Variants in DENND2C observed in about 807,000 individuals in gnomAD.
The protein encoded by DENND2C is DENN domain-containing protein 2C.
In DENND2C, 72 loss-of-function variants were observed where a neutral mutation model predicts 112.4. That is an observed-to-expected ratio of 0.64 (90% CI 0.53 to 0.78). DENND2C has a LOEUF of 0.78. Among genes scored for constraint, DENND2C ranks in the 30% least tolerant of loss-of-function variants. The pLI is 0.00. For missense variants in DENND2C, 992 were observed against 1,113.8 expected, an observed-to-expected ratio of 0.89 and a Z score of 1.56; for synonymous variants, 329 against 381.6, an observed-to-expected ratio of 0.86 and a Z score of 1.61.
At chr1:114,667,626 G>A (rs1295876527) in intron 1 of DENND2C, among the ~76,000 whole-genome samples, 2 of 151,998 alleles carry the variant, frequency 1.3e-5, no homozygotes, top group African/African-American at 4.8e-5. Flanking sequence ...CAATAAAACT[G>A]GTATTGCAAT....
intron 1 of DENND2C, among the ~76,000 whole-genome samples, chr1:114,662,683 C>A (rs943863010): frequency 6.6e-6 from 1 of 152,004 alleles, no homozygotes; most frequent in African/African-American, 2.4e-5. Context: ...AAAATAGGGG[C>A]CAGGCATAAT....
At position 114,633,965 on chromosome 1, in the gene DENND2C, G is replaced by A. The variant is rs115991071; in HGVS notation, c.-204-7777C>T. Among the ~76,000 whole-genome samples, 1,127 of 152,290 alleles carry A rather than the reference G, an allele frequency of 7.4e-3. 8 individuals carry two copies. The highest frequency in any genetic ancestry group is 0.027 in the South Asian group (128 of 4,820). On this transcript the variant is annotated intron_variant, in intron 3 of 20. Coordinates refer to ENST00000393274, the MANE Select transcript of DENND2C (RefSeq NM_001256404.2). ...AAACAGTAAACACTATCATAAGAAA[G>A]CTGGATTGTCTATGTTAATATCAGA...
At chr1:114,585,745 C>T (rs889909388) in intron 20 of DENND2C, 114 bp from the exon 21 acceptor site, 24 of 1,051,688 alleles carry the variant, frequency 2.3e-5, no homozygotes, top group Non-Finnish European at 3.4e-5. Flanking sequence ...GTTAAGCTGA[C>T]ATCTCAAACT....
chr1:114,612,775 C>G (rs1480736809), intron 8 of DENND2C, among the ~76,000 whole-genome samples: 10 of 152,182 alleles, frequency 6.6e-5, no homozygotes, highest in Admixed American at 6.5e-4. Context: ...ATCTTGGCCT[C>G]CCAAAGTGCT....
chr1:114,610,721 G>T (rs966668580), intron 9 of DENND2C, among the ~76,000 whole-genome samples: 2 of 150,002 alleles, frequency 1.3e-5, no homozygotes, highest in Non-Finnish European at 3.0e-5. Flanking sequence ...AAAAAAATCA[G>T]ATATTTACTG....
chr1:114,621,415 A>G (rs1454719006), intron 7 of DENND2C, among the ~76,000 whole-genome samples: 3 of 152,222 alleles, frequency 2.0e-5, no homozygotes, highest in Non-Finnish European at 4.4e-5. Flanking sequence ...ATGATTGCTG[A>G]TAATTTCCAT....
rs1447573717 is a variant in DENND2C at position 114,622,079 on chromosome 1, A to C, written c.1057-14T>G. ...TTTTGGAGGGAGCTAAAACAGGAGA[A>C]GATGTACTGGTAAGATCACCTAGTT... is the stretch of plus-strand genomic sequence containing the variant. On this transcript the variant is annotated splice_polypyrimidine_tract_variant and intron_variant, in intron 6 of 20. Transcript: ENST00000393274. 1 of 1,522,008 alleles carries C rather than the reference A, an allele frequency of 6.6e-7. No individual in the cohort carries two copies. Among genetic ancestry groups the C allele is most frequent in the East Asian group, 2.5e-5 (1 of 40,758 alleles). 94.3% of individuals were successfully genotyped at this position (1,522,008 alleles called of 1,614,324 possible).
chr1:114,628,268 T>C (rs1330204050), intron 3 of DENND2C, among the ~76,000 whole-genome samples: 1 of 149,984 alleles, frequency 6.7e-6, no homozygotes, highest in Non-Finnish European at 1.5e-5. Flanking sequence ...TGCAGTAAGT[T>C]ATGATCACAG....
intron 2 of DENND2C, among the ~76,000 whole-genome samples, chr1:114,646,164 T>G (rs1011830463): frequency 2.6e-5 from 4 of 152,076 alleles, no homozygotes; most frequent in Admixed American, 2.6e-4. Context: ...CCTGACCTTG[T>G]GATCCGCCTG....
intron 6 of DENND2C, 40 bp downstream of exon 6, chr1:114,622,947 A>C: frequency 6.8e-7 from 1 of 1,480,454 alleles, no homozygotes; most frequent in South Asian, 1.2e-5. Flanking sequence ...TACCATGAAT[A>C]AGATTCTAAT....
chr1:114,663,686 A>T (rs1014679023), intron 1 of DENND2C, among the ~76,000 whole-genome samples: 1 of 152,180 alleles, frequency 6.6e-6, no homozygotes, highest in African/African-American at 2.4e-5. Flanking sequence ...ACATTTTTTA[A>T]TGGTTGGGTG....
chr1:114,608,663 C>T, intron 10 of DENND2C, 23 bp downstream of exon 10: 1 of 1,607,026 alleles, frequency 6.2e-7, no homozygotes, highest in Non-Finnish European at 8.5e-7. Context: ...TTCCTGAATG[C>T]CTCTTGGCCT....
intron 1 of DENND2C, among the ~76,000 whole-genome samples, chr1:114,666,726 T>A (rs1224297193): frequency 6.6e-6 from 1 of 152,238 alleles, no homozygotes; most frequent in East Asian, 1.9e-4. Flanking sequence ...GTGCTGGGAT[T>A]ACAGGCATGA....
chr1:114,616,803 C>T (rs994542254), intron 8 of DENND2C, among the ~76,000 whole-genome samples: 3 of 151,884 alleles, frequency 2.0e-5, no homozygotes, highest in African/African-American at 4.8e-5. Context: ...TGCACTGAGC[C>T]GAGATCATGC....
intron 1 of DENND2C, among the ~76,000 whole-genome samples, chr1:114,664,066 G>A (rs1657579443): frequency 6.6e-6 from 1 of 150,590 alleles, no homozygotes; most frequent in South Asian, 2.1e-4. Flanking sequence ...AGCCTCCCAA[G>A]CGGCTGGGAC....
chr1:114,659,832 C>T (rs1476235118), intron 1 of DENND2C, among the ~76,000 whole-genome samples: 1 of 142,822 alleles, frequency 7.0e-6, no homozygotes, highest in Non-Finnish European at 1.5e-5. Context: ...TATCCTCTTG[C>T]CCAGGATGCA....
At chr1:114,602,037 C>T (rs1437766036) in intron 12 of DENND2C, 88 bp downstream of exon 12, 15 of 1,306,974 alleles carry the variant, frequency 1.1e-5, no homozygotes, top group Non-Finnish European at 1.5e-5. Context: ...ATCCCTCAAA[C>T]TCATCTAGAG....
At chr1:114,653,211 C>T (rs187173061) in intron 2 of DENND2C, among the ~76,000 whole-genome samples, 5 of 152,022 alleles carry the variant, frequency 3.3e-5, no homozygotes, top group South Asian at 2.1e-4. Flanking sequence ...TGGGTTCAAT[C>T]GATTCTCTTG....
intron 1 of DENND2C, among the ~76,000 whole-genome samples, chr1:114,666,745 G>T (rs1024842422): frequency 3.3e-5 from 5 of 152,140 alleles, no homozygotes; most frequent in African/African-American, 7.2e-5. Flanking sequence ...GAGCCACCAC[G>T]CCTGGCCCTA....
Sources: allele counts gnomAD v4.1 joint callset (sites outside exome capture counted in the v4.1 genomes callset), GRCh38; gene constraint gnomAD v4.1.1; transcripts MANE v1.5; gene names NCBI Gene and HGNC (gene_info 2026-07-23, HGNC 2026-07-21).